CNTFR: variants seen among roughly 807,000 people sequenced by gnomAD.
CNTFR encodes the protein ciliary neurotrophic factor receptor subunit alpha.
A neutral mutation model predicts 40.4 loss-of-function variants in CNTFR; 12 were observed. The observed-to-expected ratio is 0.30, with a 90% CI of 0.19 to 0.48. The LOEUF (loss-of-function observed/expected upper bound fraction) is 0.48. Ranked by LOEUF, CNTFR falls within the 20% of genes least tolerant of loss-of-function variation. The pLI is 0.99. For missense variants in CNTFR, 414 were observed against 506.8 expected, an observed-to-expected ratio of 0.82 and a Z score of 1.76; for synonymous variants, 202 against 209.6, an observed-to-expected ratio of 0.96 and a Z score of 0.31.
chr9:34,558,044 T>G, intron 4 of CNTFR, 60 bp from the exon 5 acceptor site: 1 of 1,170,206 alleles, frequency 8.5e-7, no homozygotes, highest in Admixed American at 2.6e-5. Context: ...CTGCACTGTA[T>G]GGGGACAGGT....
chr9:34,576,664 A>C (rs1399333841), intron 2 of CNTFR, among the ~76,000 whole-genome samples: 1 of 152,230 alleles, frequency 6.6e-6, no homozygotes, highest in Non-Finnish European at 1.5e-5. Flanking sequence ...TTAGGGAATG[A>C]AGGGAGATCC....
chr9:34,585,283 G>A (rs1564077498), intron 1 of CNTFR, among the ~76,000 whole-genome samples: 2 of 152,150 alleles, frequency 1.3e-5, no homozygotes, highest in South Asian at 2.1e-4. Flanking sequence ...TGGGTGTCAC[G>A]TGGGGAAAGT....
In CNTFR at chr9:34,552,275, C is replaced by T; in HGVS notation, c.1004G>A (p.Cys335Tyr). 6.5e-7 allele frequency: 1 copy of T among 1,548,602 alleles called. No homozygotes were observed. The highest frequency in any genetic ancestry group is 8.7e-7 in the Non-Finnish European group (1 of 1,148,462). ...GCCGCTGCCCAGCTCCCCAGGGTCA[C>T]AGATCTTCGTGGTAGGTGGGGGTGC... ...SLAPPPTTKI[C>Y]DPGELGSGGG... The change falls in exon 9 of 10, where the codon TGT (cysteine) becomes TAT (tyrosine). Residue 335 changes from cysteine to tyrosine, a missense_variant. Transcript: ENST00000378980. The surrounding 1 kb of genome is among the most constrained non-coding windows in gnomAD (Gnocchi z 5.1).
chr9:34,551,914 G>A lies in CNTFR; in HGVS notation c.*157C>T. On this transcript the variant is annotated 3_prime_UTR_variant, in exon 10 of 10. Transcript: ENST00000378980. ...CTTGGTGCGGCAGGGCTGGGGGGCGGCAGGCCCGGGCCCGCCGGGGTCTCC... is the reference window on the plus strand; with the variant it reads ...CTTGGTGCGGCAGGGCTGGGGGGCGACAGGCCCGGGCCCGCCGGGGTCTCC... The A allele has an allele frequency of 5.6e-6, 4 of 709,856 alleles. No homozygotes were observed. The highest frequency in any genetic ancestry group is 1.0e-5 in the Non-Finnish European group (4 of 385,934). 44.0% of individuals were successfully genotyped at this position (709,856 alleles called of 1,614,324 possible). A position where few individuals can be genotyped will look rare whatever the true frequency, so the allele number is the denominator to read the frequency against.
intron 4 of CNTFR, among the ~76,000 whole-genome samples, chr9:34,560,240 T>C (rs373731795): frequency 1.3e-5 from 2 of 151,814 alleles, no homozygotes; most frequent in Non-Finnish European, 2.9e-5. Context: ...CTGTTGTGAG[T>C]GTGTTGTGAG....
At position 34,563,065 on chromosome 9, in the gene CNTFR, C is replaced by G. The variant is rs1432967333; in HGVS notation, c.319+1534G>C. 3.3e-5 allele frequency among the ~76,000 whole-genome samples: 5 copies of G among 152,132 alleles called. No individual in the cohort carries two copies. The South Asian group carries it at 8.3e-4, about 25-fold the overall frequency. On this transcript the variant is annotated intron_variant, in intron 4 of 9. Transcript: ENST00000378980. ...CATGGCCTTAATGCTGACAACCCCC[C>G]ACAAATATCCATCTCCAGCAGAGGC... is the stretch of plus-strand genomic sequence containing the variant.
In CNTFR at chr9:34,555,224, G is replaced by A. The variant is rs1352277241; in HGVS notation, c.768+1031C>T. Among the ~76,000 whole-genome samples the A allele has an allele frequency of 3.3e-5, 5 of 152,334 alleles. No homozygotes were observed. In the South Asian group the frequency reaches 6.2e-4, roughly 19 times the overall value. On this transcript the variant is annotated intron_variant, in intron 7 of 9. Coordinates refer to ENST00000378980, the MANE Select transcript of CNTFR (RefSeq NM_147164.3). The stretch of plus-strand genomic sequence containing the variant: ...CAGCTGGCCAGGCGGGAGGGACTCC[G>A]GACTCTGTCAGGGAACATGTGAGTG...
intron 7 of CNTFR, 115 bp downstream of exon 7, chr9:34,556,140 G>C (rs1346077219): frequency 2.5e-6 from 3 of 1,198,224 alleles, no homozygotes; most frequent in Non-Finnish European, 3.6e-6. Context: ...TCCCCGCAGA[G>C]AGCCTGATGC....
Position 34,558,914 on chromosome 9 carries a change from G to A in CNTFR, c.320-930C>T, listed in dbSNP as rs79778752. On this transcript the variant is annotated intron_variant, in intron 4 of 9. Coordinates refer to ENST00000378980, the MANE Select transcript of CNTFR (RefSeq NM_147164.3). ...GGAAGTCCTTTCTGCTGTCTAGCCC[G>A]CACTCTTTTTTGCTGCCGTGAGCAC... 8.9e-4 allele frequency among the ~76,000 whole-genome samples: 135 copies of A among 152,280 alleles called. 1 individual carries two copies. The East Asian group carries it at 0.025, about 28-fold the overall frequency.
intron 4 of CNTFR, among the ~76,000 whole-genome samples, chr9:34,563,103 C>T (rs1240563711): frequency 3.9e-5 from 6 of 152,132 alleles, no homozygotes; most frequent in Non-Finnish European, 7.4e-5. Flanking sequence ...CTCCCCGAAT[C>T]CCAGACGCTC....
At chr9:34,563,258 A>G (rs1242646739) in intron 4 of CNTFR, among the ~76,000 whole-genome samples, 2 of 152,210 alleles carry the variant, frequency 1.3e-5, no homozygotes, top group East Asian at 3.8e-4. Flanking sequence ...TTATTCGCCT[A>G]AGAGCTTTCT....
intron 1 of CNTFR, among the ~76,000 whole-genome samples, chr9:34,585,937 G>T (rs542205718): frequency 2.0e-5 from 3 of 152,222 alleles, no homozygotes; most frequent in Non-Finnish European, 4.4e-5. Flanking sequence ...CTCGCCATGG[G>T]GGGGCAGAGA....
At chr9:34,553,844 G>A (rs866724039) in intron 7 of CNTFR, among the ~76,000 whole-genome samples, 7 of 152,232 alleles carry the variant, frequency 4.6e-5, no homozygotes, top group African/African-American at 1.2e-4. Flanking sequence ...AGGGGCAGCC[G>A]GCAGGGGCGG....
intron 7 of CNTFR, among the ~76,000 whole-genome samples, chr9:34,555,309 G>A (rs1372913039): frequency 1.3e-5 from 2 of 152,112 alleles, no homozygotes; most frequent in African/African-American, 4.8e-5. Context: ...TTTAAAGGCC[G>A]GACTGGATAG....
At chr9:34,570,867 G>A (rs745882990) in intron 2 of CNTFR, among the ~76,000 whole-genome samples, 3 of 152,172 alleles carry the variant, frequency 2.0e-5, no homozygotes, top group Admixed American at 6.5e-5. Context: ...ACTTCCTGGG[G>A]CTTCCTGTGG....
At chr9:34,568,525 C>T (rs796663432) in intron 3 of CNTFR, among the ~76,000 whole-genome samples, 1 of 152,168 alleles carries the variant, frequency 6.6e-6, no homozygotes, top group South Asian at 2.1e-4. Context: ...TGCAGTCTTG[C>T]CCACTGTCTC....
chr9:34,569,603 C>T (rs1243016253), intron 2 of CNTFR: 1 of 153,236 alleles, frequency 6.5e-6, no homozygotes, highest in East Asian at 1.9e-4. Context: ...TCATCTGTCC[C>T]CGACACCCCT....
chr9:34,582,489 A>C (rs1178434015), intron 1 of CNTFR: 1 of 152,174 alleles, frequency 6.6e-6, no homozygotes, highest in Non-Finnish European at 1.5e-5. Context: ...ACCTTCTATA[A>C]GACCCCAGGA....
intron 4 of CNTFR, among the ~76,000 whole-genome samples, chr9:34,562,218 C>T (rs1056976616): frequency 6.6e-6 from 1 of 152,166 alleles, no homozygotes; most frequent in African/African-American, 2.4e-5. Context: ...TTCCATGGCA[C>T]TCAGTAAATG....
Sources: allele counts gnomAD v4.1 joint callset (sites outside exome capture counted in the v4.1 genomes callset), GRCh38; gene constraint gnomAD v4.1.1; non-coding constraint Gnocchi (gnomAD v3.1); transcripts MANE v1.5; gene names NCBI Gene and HGNC (gene_info 2026-07-23, HGNC 2026-07-21).